The following EPB41L1 variants were observed in gnomAD, a reference collection of about 807,000 sequenced individuals.
The protein encoded by EPB41L1 is erythrocyte membrane protein band 4.1 like 1.
EPB41L1 carries 29 observed loss-of-function variants against 97.8 expected under a neutral mutation model. The observed-to-expected ratio is 0.30, with a 90% CI of 0.22 to 0.40. EPB41L1 has a LOEUF of 0.40. Ranked by LOEUF, EPB41L1 falls within the 10% of genes least tolerant of loss-of-function variation. The pLI, the probability that EPB41L1 is intolerant of heterozygous loss-of-function variation, is 1.00. For synonymous variants in EPB41L1, 383 were observed against 459.2 expected, an observed-to-expected ratio of 0.83 and a Z score of 2.12; for missense variants, 812 against 1,162.3, an observed-to-expected ratio of 0.70 and a Z score of 4.38.
intron 1 of EPB41L1, among the ~76,000 whole-genome samples, chr20:36,157,566 TG>T (rs1348283446): frequency 2.0e-5 from 3 of 152,128 alleles, no homozygotes; most frequent in Non-Finnish European, 4.4e-5. Flanking sequence ...GGCAATTCAT[TG>T]GTAGGCCAGG....
At chr20:36,189,487 C>T (rs990700323) in intron 9 of EPB41L1, among the ~76,000 whole-genome samples, 1 of 152,162 alleles carries the variant, frequency 6.6e-6, no homozygotes, top group African/African-American at 2.4e-5. Flanking sequence ...TTGAATAAGT[C>T]GAGCTCTTTC....
At chr20:36,165,919 T>C (rs1180012976) in intron 1 of EPB41L1, among the ~76,000 whole-genome samples, 1 of 152,258 alleles carries the variant, frequency 6.6e-6, no homozygotes, top group Non-Finnish European at 1.5e-5. Flanking sequence ...GGAAGAACTC[T>C]GGAGTCAGAG....
chr20:36,209,600 T>A lies in EPB41L1; in HGVS notation c.1781T>A (p.Leu594Gln). 2 of 1,614,180 alleles carry A rather than the reference T, an allele frequency of 1.2e-6. No individual in the cohort carries two copies. Among genetic ancestry groups the A allele is most frequent in the Non-Finnish European group, 1.7e-6 (2 of 1,180,024 alleles). Residue 594 changes from leucine (L) to glutamine (Q), a missense_variant, in exon 15 of 22, where the codon CTG becomes CAG. This residue lies in a region of EPB41L1 where 498 missense variants were observed against 622.7 expected (regional missense o/e 0.80). Coordinates refer to ENST00000338074, the MANE Select transcript of EPB41L1 (RefSeq NM_012156.2). The surrounding 1 kb of genome is among the most constrained non-coding windows in gnomAD (Gnocchi z 4.2). ...DQDQERDTVFLKDNHLAIERK... is the reference protein window; with the variant it reads ...DQDQERDTVFQKDNHLAIERK... ...GACCAGGAGAGGGACACGGTGTTCC[T>A]GAAGGACAACCACCTGGCCATTGAG...
At chr20:36,129,035 A>G (rs560056828) in intron 2 of EPB41L1, among the ~76,000 whole-genome samples, 53 of 151,642 alleles carry the variant, frequency 3.5e-4, no homozygotes, top group Admixed American at 7.9e-4. Flanking sequence ...ATTTGTGCCA[A>G]TGAGATGTGA....
upstream of EPB41L1, chr20:36,153,047 C>G: frequency 2.2e-6 from 1 of 456,710 alleles, no homozygotes; most frequent in Non-Finnish European, 4.4e-6. Context: ...ACCTGGTGAG[C>G]AGGGGGAGTG....
At chr20:36,129,651 C>T (rs2059115617) in intron 2 of EPB41L1, among the ~76,000 whole-genome samples, 1 of 152,172 alleles carries the variant, frequency 6.6e-6, no homozygotes, top group Non-Finnish European at 1.5e-5. Flanking sequence ...CCTCATTTGC[C>T]TGTTGCTGCT....
At chr20:36,188,223 G>T in intron 8 of EPB41L1, 124 bp from the exon 9 acceptor site, 1 of 1,296,394 alleles carries the variant, frequency 7.7e-7, no homozygotes, top group Non-Finnish European at 1.1e-6. Flanking sequence ...CAGCATGGAG[G>T]CTCTAACCCT....
At chr20:36,185,529 G>A (rs1328751421) in intron 7 of EPB41L1, among the ~76,000 whole-genome samples, 194 bp downstream of exon 7, 1 of 152,208 alleles carries the variant, frequency 6.6e-6, no homozygotes, top group Admixed American at 6.5e-5. Context: ...TGGCCTTGAT[G>A]ACCTTTTGGG....
chr20:36,138,154 G>A (rs576980689), intron 2 of EPB41L1, among the ~76,000 whole-genome samples: 1 of 152,270 alleles, frequency 6.6e-6, no homozygotes, highest in South Asian at 2.1e-4. Flanking sequence ...TTGGCTATGT[G>A]AATAATGCTG....
At chr20:36,223,302 G>C (rs186911849) in intron 21 of EPB41L1, among the ~76,000 whole-genome samples, 1 of 152,320 alleles carries the variant, frequency 6.6e-6, no homozygotes, top group East Asian at 1.9e-4. Flanking sequence ...CCAAAGTGCT[G>C]GGATTACAGG....
intron 1 of EPB41L1, among the ~76,000 whole-genome samples, chr20:36,104,921 G>T (rs2058140825): frequency 6.6e-6 from 1 of 152,132 alleles, no homozygotes; most frequent in South Asian, 2.1e-4. Flanking sequence ...TGAGGAGGGG[G>T]CCAGGGAACC....
rs1204510555 is a variant in EPB41L1, at chr20:36,207,371, A to G, written c.1669-2117A>G. 7.8e-7 allele frequency: 1 copy of G among 1,289,198 alleles called. No homozygotes were observed. The highest frequency in any genetic ancestry group is 1.0e-6 in the Non-Finnish European group (1 of 988,526). 79.9% of individuals were successfully genotyped at this position (1,289,198 alleles called of 1,614,324 possible). A position where few individuals can be genotyped will look rare whatever the true frequency, so the allele number is the denominator to read the frequency against. The stretch of plus-strand genomic sequence containing the variant: ...CTGGGGTTTGGGTTCCCTTCAGGGA[A>G]GCGAAGGGAGATGACCTCTTTCCAG... On this transcript the variant is annotated intron_variant, in intron 14 of 21. Transcript: ENST00000338074. The surrounding 1 kb of genome is among the most constrained non-coding windows in gnomAD (Gnocchi z 4.9).
intron 2 of EPB41L1, among the ~76,000 whole-genome samples, chr20:36,126,140 G>T (rs1294172096): frequency 6.6e-6 from 1 of 152,138 alleles, no homozygotes; most frequent in Non-Finnish European, 1.5e-5. Context: ...GACTCTCTGT[G>T]TAGAAAATCT....
chr20:36,128,060 A>T (rs1231112670), intron 2 of EPB41L1, among the ~76,000 whole-genome samples: 1 of 151,620 alleles, frequency 6.6e-6, no homozygotes, highest in Non-Finnish European at 1.5e-5. Flanking sequence ...AGAAAGGAGC[A>T]TGTGGGGGTG....
chr20:36,205,792 C>A, intron 14 of EPB41L1: 1 of 1,237,944 alleles, frequency 8.1e-7, no homozygotes, highest in Non-Finnish European at 1.0e-6. Context: ...AAAACTCACC[C>A]ATTCTTCAGG....
chr20:36,175,631 G>T lies in EPB41L1; in HGVS notation c.258G>T (p.Ser86=). Residue 86 remains serine, a synonymous_variant, in exon 3 of 22, where the codon TCG becomes TCT. Coordinates refer to ENST00000338074, the MANE Select transcript of EPB41L1 (RefSeq NM_012156.2). ...CCACGCCCAGCAAGGCCCAGAAATC[G>T]CCCCAGAAGATTGCCAAGAAATACA... ...ERTTPSKAQK[S]PQKIAKKYKS... 1 of 1,614,198 alleles carries T rather than the reference G, an allele frequency of 6.2e-7. No homozygotes were observed. Among genetic ancestry groups the T allele is most frequent in the Non-Finnish European group, 8.5e-7 (1 of 1,180,038 alleles).
At position 36,206,908 on chromosome 20, in the gene EPB41L1, G is replaced by A. The variant is rs906849784; in HGVS notation, c.1669-2580G>A. ...TCACAGAGGACAGGGCGTGCATCCC[G>A]ACCCCCAGGCCTGCGCCCTTCCTCG... On this transcript the variant is annotated intron_variant, in intron 14 of 21. Transcript: ENST00000338074. The surrounding 1 kb of genome is among the most constrained non-coding windows in gnomAD (Gnocchi z 5.5). The A allele has an allele frequency of 1.1e-5, 14 of 1,289,812 alleles. No homozygotes were observed. Among genetic ancestry groups the A allele is most frequent in the African/African-American group, 6.1e-5 (4 of 65,878 alleles). The allele number at this position is 1,289,812 out of a possible 1,614,324, so 79.9% of individuals were successfully genotyped here.
chr20:36,228,398 G>A (rs1480347121), intron 21 of EPB41L1, among the ~76,000 whole-genome samples: 1 of 152,140 alleles, frequency 6.6e-6, no homozygotes, highest in African/African-American at 2.4e-5. Context: ...AGCAATTGAG[G>A]CTTAAAGAAG....
intron 2 of EPB41L1, among the ~76,000 whole-genome samples, chr20:36,114,111 C>T (rs886961939): frequency 2.0e-5 from 3 of 152,158 alleles, no homozygotes; most frequent in Non-Finnish European, 4.4e-5. Context: ...TCATGACTTC[C>T]CCTTTCTGAA....
Sources: allele counts gnomAD v4.1 joint callset (sites outside exome capture counted in the v4.1 genomes callset), GRCh38; gene constraint gnomAD v4.1.1; regional missense constraint gnomAD v4.1.1; non-coding constraint Gnocchi (gnomAD v3.1); transcripts MANE v1.5; gene names NCBI Gene and HGNC (gene_info 2026-07-23, HGNC 2026-07-21).